The following FGFR1 variants were observed in gnomAD, a reference collection of about 807,000 sequenced individuals.
The protein encoded by FGFR1 is FGFR1/PLAG1 fusion.
A neutral mutation model predicts 93.7 loss-of-function variants in FGFR1; 18 were observed. That is an observed-to-expected ratio of 0.19 (90% CI 0.13 to 0.28). The LOEUF (loss-of-function observed/expected upper bound fraction) is 0.28. Among genes scored for constraint, FGFR1 ranks in the 10% least tolerant of loss-of-function variants. The pLI is 1.00. For missense variants in FGFR1, 731 were observed against 1,080.4 expected, an observed-to-expected ratio of 0.68 and a Z score of 4.53; for synonymous variants, 448 against 429.3, an observed-to-expected ratio of 1.04 and a Z score of -0.54.
intron 2 of FGFR1, chr8:38,435,476 G>A (rs1408682640): frequency 1.3e-5 from 2 of 152,188 alleles, no homozygotes; most frequent in Non-Finnish European, 2.9e-5. Flanking sequence ...GAAACCAACT[G>A]CTTGTATGCT....
intron 2 of FGFR1, among the ~76,000 whole-genome samples, chr8:38,431,519 C>G (rs1462403185): frequency 6.6e-6 from 1 of 152,204 alleles, no homozygotes; most frequent in Non-Finnish European, 1.5e-5. Flanking sequence ...TCCCTTTTCT[C>G]TTTCACTCCC....
At chr8:38,437,962 T>C (rs1826001928) in intron 2 of FGFR1, among the ~76,000 whole-genome samples, 2 of 152,222 alleles carry the variant, frequency 1.3e-5, no homozygotes, top group African/African-American at 4.8e-5. Context: ...CACATTTGCA[T>C]AGCACTTTGT....
chr8:38,415,646 T>C (rs1377181092), intron 13 of FGFR1, among the ~76,000 whole-genome samples: 1 of 152,118 alleles, frequency 6.6e-6, no homozygotes, highest in Non-Finnish European at 1.5e-5. Context: ...AAAGTGGCAG[T>C]GCACAGATCG....
At chr8:38,443,541 C>T (rs1159581861) in intron 2 of FGFR1, among the ~76,000 whole-genome samples, 2 of 150,560 alleles carry the variant, frequency 1.3e-5, no homozygotes, top group Non-Finnish European at 1.5e-5. Context: ...GGCATGGTAG[C>T]GTGCACCTGT....
chr8:38,450,412 G>A (rs1419743102), intron 2 of FGFR1, among the ~76,000 whole-genome samples: 1 of 152,152 alleles, frequency 6.6e-6, no homozygotes, highest in Admixed American at 6.5e-5. Flanking sequence ...CCGGAGGAAC[G>A]AGGCATTGTG....
chr8:38,429,918 T>A lies in FGFR1; in HGVS notation c.122A>T (p.Glu41Val), dbSNP rs938545315. The A allele has an allele frequency of 1.2e-6, 2 of 1,612,788 alleles. No homozygotes were observed. The highest frequency in any genetic ancestry group is 1.7e-6 in the Non-Finnish European group (2 of 1,179,526). ...AQPWGAPVEV[E>V]SFLVHPGDLL... ...GTCACCGGGGTGGACCAGGAAGGAC[T>A]CCACTTCCACAGGGGCTCCCCAGGG... The change falls in exon 3 of 18, where the codon GAG (glutamate) becomes GTG (valine). Residue 41 changes from glutamate to valine, a missense_variant. Transcript: ENST00000447712. The surrounding 1 kb of genome is among the most constrained non-coding windows in gnomAD (Gnocchi z 4.4).
intron 2 of FGFR1, among the ~76,000 whole-genome samples, chr8:38,439,513 T>C (rs1826633601): frequency 1.3e-5 from 2 of 152,118 alleles, no homozygotes; most frequent in Admixed American, 6.6e-5. Context: ...TCCTCAGGAC[T>C]GCACAGGGCT....
intron 2 of FGFR1, among the ~76,000 whole-genome samples, chr8:38,442,362 G>GGGGTGTGTGTGTGT (rs1827785213): frequency 6.9e-6 from 1 of 145,980 alleles, no homozygotes; most frequent in Non-Finnish European, 1.5e-5. Flanking sequence ...TTGTTAAAGT[G>GGGGTGTGTGTGTGT]GTGTGTGTGT....
At chr8:38,465,714 G>A (rs572082056) in intron 1 of FGFR1, 36 of 221,290 alleles carry the variant, frequency 1.6e-4, no homozygotes, top group Non-Finnish European at 3.1e-4. Context: ...ACCAAGGCGC[G>A]TCCCACGGGG....
intron 13 of FGFR1, among the ~76,000 whole-genome samples, chr8:38,415,286 G>C (rs1816028093): frequency 6.6e-6 from 1 of 152,006 alleles, no homozygotes; most frequent in Admixed American, 6.6e-5. Context: ...TTCTACAACA[G>C]GTATTGTTAT....
rs779380483 is a variant in FGFR1, at chr8:38,424,591, G to A, written c.854C>T (p.Pro285Leu). ...FMCKVYSDPQ[P>L]HIQWLKHIEV... The stretch of plus-strand genomic sequence containing the variant: ...GATGTGCTTTAGCCACTGGATGTGC[G>A]GCTGCGGGTCACTGTACACCTTACA... The change falls in exon 7 of 18, where the codon CCG becomes CTG. Residue 285 changes from proline to leucine, a missense_variant. Around this residue, in one of 10 missense-constraint regions of FGFR1, gnomAD observed 109 missense variants for 249.4 expected, o/e 0.44. Coordinates refer to ENST00000447712, the MANE Select transcript of FGFR1 (RefSeq NM_023110.3). This position sits in a 1 kb window ranked among gnomAD's most constrained non-coding sequence, Gnocchi z 4.3. The A allele has an allele frequency of 3.7e-6, 6 of 1,614,106 alleles. No homozygotes were observed. Among genetic ancestry groups the A allele is most frequent in the South Asian group, 2.2e-5 (2 of 91,090 alleles).
At chr8:38,453,990 T>C (rs915477272) in intron 2 of FGFR1, among the ~76,000 whole-genome samples, 2 of 152,130 alleles carry the variant, frequency 1.3e-5, no homozygotes, top group Non-Finnish European at 2.9e-5. Flanking sequence ...ACTGGGATTA[T>C]AGGTGGGAGC....
intron 2 of FGFR1, among the ~76,000 whole-genome samples, chr8:38,442,961 G>T (rs1009250736): frequency 2.0e-5 from 3 of 152,202 alleles, no homozygotes; most frequent in African/African-American, 7.2e-5. Flanking sequence ...GTAGAGAAAG[G>T]AATGGGCTTC....
chr8:38,449,219 A>G (rs754592454), intron 2 of FGFR1, among the ~76,000 whole-genome samples: 5 of 152,192 alleles, frequency 3.3e-5, no homozygotes, highest in Non-Finnish European at 5.9e-5. Flanking sequence ...TCTAAACCCA[A>G]GCTAAACCTT....
At chr8:38,442,021 T>C (rs976433460) in intron 2 of FGFR1, among the ~76,000 whole-genome samples, 5 of 152,032 alleles carry the variant, frequency 3.3e-5, no homozygotes, top group Admixed American at 2.6e-4. Context: ...AATAGAAACA[T>C]AGAGAGGAAA....
chr8:38,416,387 T>A (rs1213728948), intron 12 of FGFR1, among the ~76,000 whole-genome samples: 2 of 150,220 alleles, frequency 1.3e-5, no homozygotes, highest in African/African-American at 2.5e-5. Flanking sequence ...TGGATTCAAG[T>A]GATTCTCCTG....
intron 7 of FGFR1, chr8:38,423,312 G>GTTTTTTT (rs58594253): frequency 5.5e-6 from 2 of 361,212 alleles, no homozygotes; most frequent in Non-Finnish European, 9.9e-6. Context: ...TTCCCTTTTA[G>GTTTTTTT]TTTTTTTTTT....
chr8:38,468,355 C>T lies in FGFR1; in HGVS notation c.-463G>A. 4.4e-6 allele frequency: 1 copy of T among 228,390 alleles called. No individual in the cohort carries two copies. Among genetic ancestry groups the T allele is most frequent in the Non-Finnish European group, 8.7e-6 (1 of 114,702 alleles). The allele number at this position is 228,390 out of a possible 1,614,324, so 14.1% of individuals were successfully genotyped here. On this transcript the variant is annotated 5_prime_UTR_variant, in exon 1 of 18. In the 5' UTR this introduces an upstream ATG that the reference lacks. Transcript: ENST00000447712. ...CGCCGCGGCGTGCCCGACTGCAGCA[C>T]GGGTACCGTGCGCCCTGCGGGGCGC...
intron 2 of FGFR1, among the ~76,000 whole-genome samples, chr8:38,434,163 A>G (rs1296185741): frequency 6.6e-6 from 1 of 152,216 alleles, no homozygotes; most frequent in South Asian, 2.1e-4. Context: ...ATCAATTGAC[A>G]GATATTGGGT....
Sources: gnomAD v4.1 joint callset for allele counts (sites outside exome capture counted in the v4.1 genomes callset) on GRCh38, gnomAD v4.1.1 for gene constraint, gnomAD v4.1.1 regional missense constraint, Gnocchi (gnomAD v3.1) non-coding constraint, MANE v1.5 for transcripts, NCBI Gene and HGNC (gene_info 2026-07-23, HGNC 2026-07-21) for gene names.